DNAAF9: variants seen among roughly 807,000 people sequenced by gnomAD.
DNAAF9 encodes the protein dynein axonemal assembly factor 9.
DNAAF9 carries 90 observed loss-of-function variants against 167.0 expected under a neutral mutation model. The observed-to-expected ratio is 0.54, with a 90% CI of 0.45 to 0.64. DNAAF9 has a LOEUF of 0.64. Among genes scored for constraint, DNAAF9 ranks in the 30% least tolerant of loss-of-function variants. The pLI is 0.00. For missense variants in DNAAF9, 1,315 were observed against 1,442.2 expected (o/e 0.91, Z 1.43); for synonymous variants, 491 against 508.8 (o/e 0.96, Z 0.47).
Position 3,332,277 on chromosome 20 carries a change from T to TA in DNAAF9, c.1063+2dup. 1 of 1,509,988 alleles carries TA rather than the reference T, an allele frequency of 6.6e-7. No homozygotes were observed. Among genetic ancestry groups the TA allele is most frequent in the Non-Finnish European group, 9.2e-7 (1 of 1,085,536 alleles). 93.5% of individuals were successfully genotyped at this position (1,509,988 alleles called of 1,614,324 possible). A position where few individuals can be genotyped will look rare whatever the true frequency, so the allele number is the denominator to read the frequency against. ...GATGAGATGACAACTTATAGGGACT[T>TA]ACCCAAGTAAGGAACATGAGTAGCT... On this transcript the variant is annotated splice_region_variant and intron_variant, in intron 11 of 36. Transcript: ENST00000252032.
rs374212871 is a variant in DNAAF9 at position 3,315,297 on chromosome 20, G to A, written c.1591-177C>T. ...ATTGTCTGGCTCTTTGGCAGTTACT[G>A]GCATCCTTGATTTGTGCTGAGAAAA... On this transcript the variant is annotated intron_variant, in intron 19 of 36. Transcript: ENST00000252032. This position sits in a 1 kb window ranked among gnomAD's most constrained non-coding sequence, Gnocchi z 4.1. Among the ~76,000 whole-genome samples, 3 of 152,316 alleles carry A rather than the reference G, an allele frequency of 2.0e-5. No individual in the cohort carries two copies. Among genetic ancestry groups the A allele is most frequent in the Admixed American group, 6.5e-5 (1 of 15,298 alleles).
At position 3,298,787 on chromosome 20, in the gene DNAAF9, T is replaced by C. The variant is rs117821872; in HGVS notation, c.1783-612A>G. Among the ~76,000 whole-genome samples the C allele has an allele frequency of 2.6e-3, 398 of 152,310 alleles. 3 individuals are homozygous for C. The highest frequency in any genetic ancestry group is 0.018 in the East Asian group (91 of 5,194). ...GTTTTAAATGTTGATGGAGTCCAATTTACATATTTTTTCATTTGCTGTCCG... is the reference window on the plus strand; with the variant it reads ...GTTTTAAATGTTGATGGAGTCCAATCTACATATTTTTTCATTTGCTGTCCG... On this transcript the variant is annotated intron_variant, in intron 21 of 36. Coordinates refer to ENST00000252032, the MANE Select transcript of DNAAF9 (RefSeq NM_001009984.3).
chr20:3,295,891 G>A, intron 23 of DNAAF9: 1 of 1,246,430 alleles, frequency 8.0e-7, no homozygotes, highest in South Asian at 1.2e-5. Flanking sequence ...CCCAGCCAGT[G>A]CCGTCAATTG....
chr20:3,299,332 G>A lies in DNAAF9; in HGVS notation c.1783-1157C>T, dbSNP rs1222099844. Among the ~76,000 whole-genome samples the A allele has an allele frequency of 3.3e-5, 5 of 151,934 alleles. No individual in the cohort carries two copies. The East Asian group carries it at 9.7e-4, about 30-fold the overall frequency. ...TTTTGTTTGTTGTTTTTGAGACAGG[G>A]TCCCACTCAGGGGACCTGTGCCCAG... is the stretch of plus-strand genomic sequence containing the variant. On this transcript the variant is annotated intron_variant, in intron 21 of 36. Coordinates refer to ENST00000252032, the MANE Select transcript of DNAAF9 (RefSeq NM_001009984.3).
At chr20:3,331,953 C>T (rs1212544657) in intron 11 of DNAAF9, among the ~76,000 whole-genome samples, 3 of 152,202 alleles carry the variant, frequency 2.0e-5, no homozygotes, top group Admixed American at 1.3e-4. Context: ...GGATTACAGG[C>T]GTGAGCCGCC....
intron 27 of DNAAF9, among the ~76,000 whole-genome samples, chr20:3,283,802 T>C (rs1469273058): frequency 6.6e-6 from 1 of 152,178 alleles, no homozygotes; most frequent in Admixed American, 6.5e-5. Context: ...TAGAGACTCA[T>C]TTCTTAGGGG....
intron 6 of DNAAF9, chr20:3,362,188 G>T: frequency 1.4e-6 from 2 of 1,433,076 alleles, no homozygotes; most frequent in South Asian, 1.2e-5. Flanking sequence ...TGTCCATCTT[G>T]TAAGTGTCAT....
intron 13 of DNAAF9, among the ~76,000 whole-genome samples, chr20:3,325,449 G>A (rs2069693657): frequency 6.6e-6 from 1 of 152,210 alleles, no homozygotes; most frequent in African/African-American, 2.4e-5. Flanking sequence ...CTTTGGATAA[G>A]CCTTCTGCAT....
At position 3,319,262 on chromosome 20, in the gene DNAAF9, C is replaced by CAAAAAAAA. The variant is rs57727958; in HGVS notation, c.1357-870_1357-863dup. On this transcript the variant is annotated intron_variant, in intron 16 of 36. Coordinates refer to ENST00000252032, the MANE Select transcript of DNAAF9 (RefSeq NM_001009984.3). ...TGGGCAACGGACCGAGACCCCGTCT[C>CAAAAAAAA]AAAAAAAAAAAAAAAAAAAAAAAAA... is the stretch of plus-strand genomic sequence containing the variant. Among the ~76,000 whole-genome samples, 56 of 41,552 alleles carry CAAAAAAAA rather than the reference C, an allele frequency of 1.3e-3. 2 individuals carry two copies. The highest frequency in any genetic ancestry group is 3.1e-3 in the East Asian group (6 of 1,924). 27.3% of individuals were successfully genotyped at this position (41,552 alleles called of 152,430 possible).
chr20:3,349,873 G>C (rs6115858), intron 7 of DNAAF9, among the ~76,000 whole-genome samples: 1 of 152,072 alleles, frequency 6.6e-6, no homozygotes, highest in Admixed American at 6.6e-5. Flanking sequence ...CATCTTCCCT[G>C]TCCATTTTAC....
intron 13 of DNAAF9, among the ~76,000 whole-genome samples, chr20:3,325,380 T>TA (rs991721722): frequency 1.5e-4 from 23 of 152,290 alleles, no homozygotes; most frequent in African/African-American, 5.5e-4. Context: ...TAGCAAGAGT[T>TA]ACAAAAGATC....
chr20:3,360,829 C>T (rs1047762609), intron 6 of DNAAF9, among the ~76,000 whole-genome samples: 3 of 152,202 alleles, frequency 2.0e-5, no homozygotes, highest in Admixed American at 1.3e-4. Context: ...GAAAGTAAAA[C>T]AATTCAGAAG....
chr20:3,363,199 G>A (rs1292629532), intron 6 of DNAAF9, among the ~76,000 whole-genome samples: 19 of 143,236 alleles, frequency 1.3e-4, no homozygotes, highest in South Asian at 2.2e-4. Flanking sequence ...ATTGCTCTCT[G>A]GCCTGGGTGA....
At chr20:3,402,125 A>G (rs2083996510) in intron 1 of DNAAF9, among the ~76,000 whole-genome samples, 1 of 151,786 alleles carries the variant, frequency 6.6e-6, no homozygotes, top group African/African-American at 2.4e-5. Flanking sequence ...TTCAAAAGGC[A>G]CTCTTTGCTC....
rs2068171869 is a variant in DNAAF9 at position 3,249,819 on chromosome 20, G to C, written c.*2753C>G. 6.6e-6 allele frequency: 1 copy of C among 152,174 alleles called. No homozygotes were observed. Among genetic ancestry groups the C allele is most frequent in the African/African-American group, 2.4e-5 (1 of 41,436 alleles). 9.4% of individuals were successfully genotyped at this position (152,174 alleles called of 1,614,324 possible). A position where few individuals can be genotyped will look rare whatever the true frequency, so the allele number is the denominator to read the frequency against. On this transcript the variant is annotated 3_prime_UTR_variant, in exon 37 of 37. Coordinates refer to ENST00000252032, the MANE Select transcript of DNAAF9 (RefSeq NM_001009984.3). ...TCTCCAAAATCCTAATAGAATTTAGGAGGGAACTTTTTCTTGCGACCTGAA... is the reference window on the plus strand; with the variant it reads ...TCTCCAAAATCCTAATAGAATTTAGCAGGGAACTTTTTCTTGCGACCTGAA...
At chr20:3,305,226 AT>A (rs1360763522) in intron 20 of DNAAF9, among the ~76,000 whole-genome samples, 2 of 152,200 alleles carry the variant, frequency 1.3e-5, no homozygotes, top group African/African-American at 4.8e-5. Flanking sequence ...GGAGCAGACC[AT>A]GGAAAAGATG....
In DNAAF9 at chr20:3,253,720, G is replaced by A; in HGVS notation, c.3421+6C>T. 1 of 1,569,472 alleles carries A rather than the reference G, an allele frequency of 6.4e-7. No individual in the cohort carries two copies. Among genetic ancestry groups the A allele is most frequent in the Non-Finnish European group, 8.8e-7 (1 of 1,139,464 alleles). ...CCACACAGGGACCACGCTGTTCCAAGGATACGTGGGTGAAAATCAGTTTTG... is the reference window on the plus strand; with the variant it reads ...CCACACAGGGACCACGCTGTTCCAAAGATACGTGGGTGAAAATCAGTTTTG... On this transcript the variant is annotated splice_donor_region_variant and intron_variant, in intron 36 of 36. Coordinates refer to ENST00000252032, the MANE Select transcript of DNAAF9 (RefSeq NM_001009984.3).
intron 13 of DNAAF9, among the ~76,000 whole-genome samples, chr20:3,325,332 G>C (rs774634145): frequency 3.3e-5 from 5 of 152,176 alleles, no homozygotes; most frequent in Non-Finnish European, 7.3e-5. Flanking sequence ...AGGAACCTCT[G>C]CCCTCAGAGT....
intron 16 of DNAAF9, among the ~76,000 whole-genome samples, chr20:3,319,747 C>A (rs1049176506): frequency 3.4e-4 from 51 of 152,224 alleles, no homozygotes; most frequent in African/African-American, 1.1e-3. Context: ...AGGAAAAAAA[C>A]CACAGTTAAG....
Sources: allele counts gnomAD v4.1 joint callset (sites outside exome capture counted in the v4.1 genomes callset), GRCh38; gene constraint gnomAD v4.1.1; non-coding constraint Gnocchi (gnomAD v3.1); transcripts MANE v1.5; gene names NCBI Gene and HGNC (gene_info 2026-07-23, HGNC 2026-07-21).